NCAM2: variants seen among roughly 807,000 people sequenced by gnomAD.
NCAM2 encodes the protein N-CAM-2.
In NCAM2, 30 loss-of-function variants were observed where a neutral mutation model predicts 98.1. That is an observed-to-expected ratio of 0.31 (90% CI 0.23 to 0.41). NCAM2 has a LOEUF of 0.41. Among genes scored for constraint, NCAM2 ranks in the 10% least tolerant of loss-of-function variants. The probability of loss-of-function intolerance (pLI) is 1.00; values close to 1 mark genes in which losing one functional copy is unlikely to be tolerated. For synonymous variants in NCAM2, 368 were observed against 342.4 expected (o/e 1.07, Z -0.83); for missense variants, 867 against 1,005.8 (o/e 0.86, Z 1.87).
chr21:21,475,267 C>A (rs1309023588), intron 14 of NCAM2, among the ~76,000 whole-genome samples: 1 of 152,036 alleles, frequency 6.6e-6, no homozygotes, highest in Non-Finnish European at 1.5e-5. Context: ...GATATCACCT[C>A]CCCACTGGTG....
intron 1 of NCAM2, among the ~76,000 whole-genome samples, chr21:21,030,696 G>C (rs773403031): frequency 6.6e-6 from 1 of 152,110 alleles, no homozygotes; most frequent in Non-Finnish European, 1.5e-5. Flanking sequence ...TAAAATGAGT[G>C]GTATTAAGGG....
intron 1 of NCAM2, among the ~76,000 whole-genome samples, chr21:21,178,008 G>A (rs2068350342): frequency 6.6e-6 from 1 of 152,022 alleles, no homozygotes; most frequent in Non-Finnish European, 1.5e-5. Flanking sequence ...TTTTATATTT[G>A]ATTTTAGATG....
chr21:21,496,775 G>A (rs1370482394), intron 15 of NCAM2, among the ~76,000 whole-genome samples: 1 of 151,984 alleles, frequency 6.6e-6, no homozygotes, highest in African/African-American at 2.4e-5. Context: ...AATCCATCCC[G>A]AGTTAAGTTT....
At chr21:21,449,818 G>A (rs140114142) in intron 12 of NCAM2, among the ~76,000 whole-genome samples, 103 of 152,042 alleles carry the variant, frequency 6.8e-4, no homozygotes, top group Admixed American at 1.2e-3. Flanking sequence ...GATGAATGCC[G>A]CAGACTGACA....
chr21:21,335,718 G>T (rs2074846771), intron 7 of NCAM2, 53 bp downstream of exon 7: 3 of 1,351,420 alleles, frequency 2.2e-6, no homozygotes, highest in Non-Finnish European at 2.0e-6. Context: ...GAAGATCAGA[G>T]TGAAATTCTA....
chr21:21,144,363 A>G (rs2067229985), intron 1 of NCAM2, among the ~76,000 whole-genome samples: 1 of 145,382 alleles, frequency 6.9e-6, no homozygotes, highest in Non-Finnish European at 1.5e-5. Context: ...AAAAAAAAAA[A>G]TCAACATTTC....
chr21:21,536,766 G>A (rs888993199), intron 17 of NCAM2, among the ~76,000 whole-genome samples: 4 of 152,156 alleles, frequency 2.6e-5, no homozygotes, highest in African/African-American at 9.7e-5. Context: ...ATCTCCAAAT[G>A]TCATGTACAC....
intron 8 of NCAM2, among the ~76,000 whole-genome samples, chr21:21,342,283 T>G (rs2147894230): frequency 6.6e-6 from 1 of 152,288 alleles, no homozygotes; most frequent in African/African-American, 2.4e-5. Context: ...CACTTTTGAT[T>G]TTGTGGATCA....
At chr21:21,268,288 G>A (rs1460582039) in intron 1 of NCAM2, among the ~76,000 whole-genome samples, 1 of 152,174 alleles carries the variant, frequency 6.6e-6, no homozygotes, top group South Asian at 2.1e-4. Context: ...CTCACAGCAA[G>A]TCTAATGACT....
intron 8 of NCAM2, among the ~76,000 whole-genome samples, chr21:21,365,687 A>G (rs7278962): frequency 2.2e-4 from 34 of 152,020 alleles, no homozygotes; most frequent in African/African-American, 8.0e-4. Flanking sequence ...AAGATACAGA[A>G]AAGCACAAGC....
chr21:21,007,615 A>G (rs2064135449), intron 1 of NCAM2, among the ~76,000 whole-genome samples: 1 of 152,140 alleles, frequency 6.6e-6, no homozygotes, highest in South Asian at 2.1e-4. Context: ...AGTTTCCATG[A>G]CATCTGTAAA....
intron 1 of NCAM2, among the ~76,000 whole-genome samples, chr21:21,044,904 G>T (rs1265118597): frequency 1.3e-5 from 2 of 151,972 alleles, no homozygotes; most frequent in Non-Finnish European, 2.9e-5. Context: ...GAGAGACCCT[G>T]TCTTAAAATA....
chr21:21,357,432 T>C (rs2075520480), intron 8 of NCAM2, among the ~76,000 whole-genome samples: 1 of 152,084 alleles, frequency 6.6e-6, no homozygotes, highest in African/African-American at 2.4e-5. Flanking sequence ...TTGAACTTCC[T>C]TTTTTCACCT....
At chr21:21,197,919 T>A in intron 1 of NCAM2, among the ~76,000 whole-genome samples, 1 of 152,176 alleles carries the variant, frequency 6.6e-6, no homozygotes, top group Non-Finnish European at 1.5e-5. Context: ...GACAAAATAC[T>A]GAGTTTGAAT....
At chr21:21,490,641 G>T (rs1051695187) in intron 15 of NCAM2, among the ~76,000 whole-genome samples, 4 of 151,596 alleles carry the variant, frequency 2.6e-5, no homozygotes, top group Admixed American at 1.3e-4. Context: ...TTCCTAAAAA[G>T]CAAGCAATTA....
At chr21:21,430,827 C>A (rs1047532734) in intron 11 of NCAM2, among the ~76,000 whole-genome samples, 5 of 151,848 alleles carry the variant, frequency 3.3e-5, no homozygotes, top group South Asian at 2.1e-4. Flanking sequence ...GTGGGCAGAT[C>A]ACGAGGTTAA....
chr21:21,112,117 GT>G (rs2066465838), intron 1 of NCAM2, among the ~76,000 whole-genome samples: 1 of 151,864 alleles, frequency 6.6e-6, no homozygotes, highest in African/African-American at 2.4e-5. Context: ...CCTCTTCTCT[GT>G]TAAAAATACT....
chr21:21,201,518 T>C (rs2069219293), intron 1 of NCAM2, among the ~76,000 whole-genome samples: 1 of 152,170 alleles, frequency 6.6e-6, no homozygotes, highest in Non-Finnish European at 1.5e-5. Flanking sequence ...GTGATATGTT[T>C]GTGTAGTGAA....
At chr21:21,199,931 A>G (rs915832611) in intron 1 of NCAM2, among the ~76,000 whole-genome samples, 1 of 152,094 alleles carries the variant, frequency 6.6e-6, no homozygotes, top group Non-Finnish European at 1.5e-5. Flanking sequence ...ACACACTCTC[A>G]TAAGTGGCCA....
Sources: allele counts gnomAD v4.1 joint callset (sites outside exome capture counted in the v4.1 genomes callset), GRCh38; gene constraint gnomAD v4.1.1; transcripts MANE v1.5; gene names NCBI Gene and HGNC (gene_info 2026-07-23, HGNC 2026-07-21).